The following RANBP2 variants were observed in gnomAD, a reference collection of about 807,000 sequenced individuals.
RANBP2 encodes the protein E3 SUMO-protein ligase RanBP2.
A neutral mutation model predicts 303.6 loss-of-function variants in RANBP2; 57 were observed. The observed-to-expected ratio is 0.19, with a 90% CI of 0.15 to 0.23. The LOEUF (loss-of-function observed/expected upper bound fraction) is 0.23, where lower values mean the gene tolerates loss of function less well. Ranked by LOEUF, RANBP2 falls within the 10% of genes least tolerant of loss-of-function variation. The pLI, the probability that RANBP2 is intolerant of heterozygous loss-of-function variation, is 1.00. For synonymous variants in RANBP2, 1,167 were observed against 1,301.5 expected, an observed-to-expected ratio of 0.90 and a Z score of 2.23; for missense variants, 3,138 against 3,780.8, an observed-to-expected ratio of 0.83 and a Z score of 4.46.
chr2:109,319,485 G>C, the RANBP2 span, among the ~76,000 whole-genome samples: 3 of 152,178 alleles, frequency 2.0e-5, no homozygotes, highest in Non-Finnish European at 4.4e-5. Flanking sequence ...ACTTCTGCTG[G>C]GGTAGTGACG....
intron 25 of RANBP2, among the ~76,000 whole-genome samples, chr2:108,780,105 A>G (rs1019626023): frequency 1.3e-5 from 2 of 151,848 alleles, no homozygotes; most frequent in Non-Finnish European, 2.9e-5. Flanking sequence ...TGACAGTCTT[A>G]TCTTTGTATC....
the RANBP2 span, among the ~76,000 whole-genome samples, chr2:109,123,985 TTTATTTATTTATTTA>T: frequency 7.1e-5 from 1 of 14,040 alleles, no homozygotes; most frequent in Admixed American, 8.1e-4. Flanking sequence ...TTCAGTTTTA[TTTATTTATTTATTTA>T]TTTATTTATT....
the RANBP2 span, among the ~76,000 whole-genome samples, chr2:108,844,988 C>T: frequency 1.3e-5 from 2 of 151,912 alleles, no homozygotes; most frequent in African/African-American, 2.4e-5. Context: ...CCTTGTGATC[C>T]GCCTGCCTTG....
chr2:109,071,842 G>A, the RANBP2 span, among the ~76,000 whole-genome samples: 1 of 152,078 alleles, frequency 6.6e-6, no homozygotes, highest in Non-Finnish European at 1.5e-5. Context: ...AGCTAGAGGG[G>A]CCAAGAGCAA....
the RANBP2 span, among the ~76,000 whole-genome samples, chr2:109,679,720 T>C: frequency 2.7e-4 from 41 of 152,294 alleles, no homozygotes; most frequent in African/African-American, 9.6e-4. Flanking sequence ...GGCATCTTGT[T>C]ACAAATGGGT....
chr2:109,061,551 A>G, the RANBP2 span, among the ~76,000 whole-genome samples: 2 of 152,140 alleles, frequency 1.3e-5, no homozygotes, highest in African/African-American at 4.8e-5. Flanking sequence ...GAGGTTTCCT[A>G]CTAGCCTACC....
At chr2:108,811,052 C>G in the RANBP2 span, among the ~76,000 whole-genome samples, 1 of 151,274 alleles carries the variant, frequency 6.6e-6, no homozygotes, top group Non-Finnish European at 1.5e-5. Flanking sequence ...TTTTTGTTTC[C>G]GATTTTTCCG....
At chr2:109,613,155 T>C in the RANBP2 span, 32 of 1,288,556 alleles carry the variant, frequency 2.5e-5, no homozygotes, top group Non-Finnish European at 3.0e-5. Context: ...CTTGGTACTA[T>C]TAACGAAAAT....
the RANBP2 span, among the ~76,000 whole-genome samples, chr2:109,369,934 C>A: frequency 6.6e-6 from 1 of 152,204 alleles, no homozygotes. Context: ...CTTGGAAAGG[C>A]GGGTGGTGCA....
At chr2:109,544,214 T>G in the RANBP2 span, 1 of 1,609,474 alleles carries the variant, frequency 6.2e-7, no homozygotes, top group South Asian at 1.1e-5. Context: ...ATAGAAGTGA[T>G]AAAACAAATA....
At chr2:109,463,741 A>G in the RANBP2 span, among the ~76,000 whole-genome samples, 1 of 152,224 alleles carries the variant, frequency 6.6e-6, no homozygotes, top group African/African-American at 2.4e-5. Flanking sequence ...ACCTGGCTGC[A>G]AATGTTTGTT....
At chr2:108,805,464 G>T in the RANBP2 span, among the ~76,000 whole-genome samples, 1 of 152,044 alleles carries the variant, frequency 6.6e-6, no homozygotes, top group East Asian at 1.9e-4. Context: ...GGTGGCTCAC[G>T]CCTGTAATCC....
chr2:108,953,878 AG>A, the RANBP2 span, among the ~76,000 whole-genome samples: 1 of 152,234 alleles, frequency 6.6e-6, no homozygotes, highest in African/African-American at 2.4e-5. Flanking sequence ...TGAACCAGAC[AG>A]GTCAGAGGGA....
At chr2:109,262,043 C>T in the RANBP2 span, among the ~76,000 whole-genome samples, 10 of 152,128 alleles carry the variant, frequency 6.6e-5, no homozygotes, top group African/African-American at 2.2e-4. Context: ...GTCGGTGGCC[C>T]GGCTGCTGAT....
the RANBP2 span, among the ~76,000 whole-genome samples, chr2:109,329,132 C>T: frequency 1.5e-4 from 23 of 152,180 alleles, no homozygotes; most frequent in African/African-American, 5.3e-4. Context: ...GTTCCCCTCT[C>T]TCCTACATTG....
the RANBP2 span, among the ~76,000 whole-genome samples, chr2:108,942,001 G>A: frequency 6.6e-6 from 1 of 152,216 alleles, no homozygotes; most frequent in African/African-American, 2.4e-5. Flanking sequence ...CCTTTCAGGT[G>A]CCCCTTGTGT....
the RANBP2 span, among the ~76,000 whole-genome samples, chr2:109,103,000 C>A: frequency 6.6e-6 from 1 of 152,132 alleles, no homozygotes; most frequent in Non-Finnish European, 1.5e-5. Context: ...AGGGAAGGAG[C>A]AAGCAGGTGG....
chr2:109,449,873 G>T, the RANBP2 span, among the ~76,000 whole-genome samples: 1 of 152,226 alleles, frequency 6.6e-6, no homozygotes, highest in Non-Finnish European at 1.5e-5. Context: ...AAATCTACGT[G>T]TGCAGTGTGA....
At chr2:108,822,933 G>T in the RANBP2 span, among the ~76,000 whole-genome samples, 1 of 151,600 alleles carries the variant, frequency 6.6e-6, no homozygotes, top group East Asian at 1.9e-4. Context: ...AAAGAAGACT[G>T]GAATAACTCA....
Sources: allele counts gnomAD v4.1 joint callset (sites outside exome capture counted in the v4.1 genomes callset), GRCh38; gene constraint gnomAD v4.1.1; transcripts MANE v1.5; gene names NCBI Gene and HGNC (gene_info 2026-07-23, HGNC 2026-07-21).